GPM6B: variants seen among roughly 807,000 people sequenced by gnomAD.
GPM6B encodes the protein glycoprotein M6B.
A neutral mutation model predicts 27.2 loss-of-function variants in GPM6B; 4 were observed. That is an observed-to-expected ratio of 0.15 (90% CI 0.07 to 0.34). GPM6B has a LOEUF of 0.34. GPM6B is among the 10% of genes least tolerant of loss of function. The pLI is 1.00. For synonymous variants in GPM6B, 124 were observed against 103.1 expected, an observed-to-expected ratio of 1.20 and a Z score of -1.23; for missense variants, 183 against 261.9, an observed-to-expected ratio of 0.70 and a Z score of 2.08.
intron 1 of GPM6B, among the ~76,000 whole-genome samples, chrX:13,813,285 T>A (rs1335350992): frequency 2.7e-5 from 3 of 110,633 alleles, no homozygotes; most frequent in Non-Finnish European, 5.7e-5. Context: ...AAAAAAAAAA[T>A]AAGAAATTAT....
chrX:13,856,067 A>G (rs2049776421), intron 1 of GPM6B, among the ~76,000 whole-genome samples: 1 of 111,913 alleles, frequency 8.9e-6, no homozygotes, highest in Admixed American at 9.5e-5. Context: ...TTGCTATTTT[A>G]TCCTGTAAAG....
chrX:13,884,784 C>G (rs769942006), intron 1 of GPM6B, among the ~76,000 whole-genome samples: 2 of 111,663 alleles, frequency 1.8e-5, no homozygotes, highest in African/African-American at 6.5e-5. Flanking sequence ...ATAATTAAAC[C>G]TGGGTTCCTG....
chrX:13,774,353 C>A, intron 7 of GPM6B: 8 of 1,000,037 alleles, frequency 8.0e-6, no homozygotes, highest in Non-Finnish European at 1.0e-5. Flanking sequence ...GTGGAAATAG[C>A]CACCAGATCT....
chrX:13,877,783 T>C (rs1206438871), intron 1 of GPM6B, among the ~76,000 whole-genome samples: 1 of 80,000 alleles, frequency 1.3e-5, no homozygotes, highest in Non-Finnish European at 2.2e-5. Context: ...GCTGTGATCA[T>C]GCCACTACAC....
At chrX:13,896,888 T>C (rs894210726) in intron 1 of GPM6B, among the ~76,000 whole-genome samples, 1 of 112,238 alleles carries the variant, frequency 8.9e-6, no homozygotes, top group East Asian at 2.8e-4. Flanking sequence ...TTTCCTATGT[T>C]TGCTCTAACA....
At chrX:13,913,638 G>A (rs1228042852) in intron 1 of GPM6B, among the ~76,000 whole-genome samples, 1 of 111,936 alleles carries the variant, frequency 8.9e-6, no homozygotes, top group African/African-American at 3.2e-5. Flanking sequence ...TAAACAGTTG[G>A]GTATCTTCTT....
At chrX:13,869,328 G>A (rs1225862338) in intron 1 of GPM6B, among the ~76,000 whole-genome samples, 1 of 108,105 alleles carries the variant, frequency 9.3e-6, no homozygotes, top group Admixed American at 1.0e-4. Flanking sequence ...GGTGGGGTGG[G>A]ATATTGAGTG....
intron 2 of GPM6B, among the ~76,000 whole-genome samples, chrX:13,793,867 G>C (rs2048759564): frequency 9.0e-6 from 1 of 111,528 alleles, no homozygotes; most frequent in African/African-American, 3.3e-5. Context: ...TGGCCCACCA[G>C]CTAAATCTGG....
chrX:13,838,442 T>C (rs1251411521), intron 1 of GPM6B, among the ~76,000 whole-genome samples: 3 of 112,854 alleles, frequency 2.7e-5, no homozygotes, highest in Admixed American at 1.9e-4. Context: ...TTAAGATTCA[T>C]CTGGCTCAGA....
At chrX:13,883,960 A>G (rs1231865991) in intron 1 of GPM6B, among the ~76,000 whole-genome samples, 1 of 111,950 alleles carries the variant, frequency 8.9e-6, no homozygotes, top group East Asian at 2.8e-4. Context: ...GGCAGATCAC[A>G]AGGTCAGGAG....
chrX:13,835,143 G>A (rs2049481754), intron 1 of GPM6B, among the ~76,000 whole-genome samples: 1 of 112,031 alleles, frequency 8.9e-6, no homozygotes, highest in Non-Finnish European at 1.9e-5. Context: ...GTACATGAAT[G>A]TTGGGTCCAT....
intron 4 of GPM6B, among the ~76,000 whole-genome samples, chrX:13,781,775 T>C (rs1489260419): frequency 3.6e-5 from 4 of 111,846 alleles, no homozygotes; most frequent in Admixed American, 2.8e-4. Context: ...CTAAAATGTA[T>C]AAAACCAAGC....
At chrX:13,831,135 C>T (rs771594954) in intron 1 of GPM6B, among the ~76,000 whole-genome samples, 86 of 106,384 alleles carry the variant, frequency 8.1e-4, no homozygotes, top group Admixed American at 2.8e-3. Flanking sequence ...CACAGGCTTA[C>T]GGTCCAATAT....
intron 1 of GPM6B, among the ~76,000 whole-genome samples, chrX:13,881,079 C>A (rs1208226173): frequency 8.9e-6 from 1 of 112,168 alleles, no homozygotes; most frequent in African/African-American, 3.2e-5. Context: ...GCCTGTTCTC[C>A]TGTCTTGTTT....
intron 2 of GPM6B, among the ~76,000 whole-genome samples, chrX:13,788,453 C>T (rs763895564): frequency 6.5e-5 from 7 of 107,889 alleles, no homozygotes; most frequent in Non-Finnish European, 1.1e-4. Context: ...GGTCCTTCTA[C>T]AGAAAGATCT....
chrX:13,867,761 A>G (rs1472992616), intron 1 of GPM6B, among the ~76,000 whole-genome samples: 3 of 111,978 alleles, frequency 2.7e-5, no homozygotes, highest in East Asian at 2.8e-4. Context: ...GTTGTATCCT[A>G]CACTTGGGTC....
At chrX:13,877,858 ATATTTGC>A (rs2050054182) in intron 1 of GPM6B, among the ~76,000 whole-genome samples, 1 of 102,771 alleles carries the variant, frequency 9.7e-6, no homozygotes, top group African/African-American at 3.6e-5. Context: ...AAAATTCACC[ATATTTGC>A]TTCGCCTTTT....
rs772367299 is a variant in GPM6B at position 13,773,953 on chromosome X, CTTTTTTTT to C, written c.838-931_838-924del. Reference sequence around the variant, plus strand: ...AAAAAAAACTACCCACATATAAATCCTTTTTTTTTTTTTTTTTTTTTTTTTTCCAGAGA... The same window carrying C: ...AAAAAAAACTACCCACATATAAATCCTTTTTTTTTTTTTTTTTTCCAGAGA... On this transcript the variant is annotated intron_variant, in intron 7 of 7. Coordinates refer to ENST00000316715, the MANE Select transcript of GPM6B (RefSeq NM_001001995.3). 1.1e-3 allele frequency: 478 copies of C among 436,240 alleles called. 2 individuals are homozygous for C. In the African/African-American group the frequency reaches 0.018, roughly 17 times the overall value. 36.0% of individuals were successfully genotyped at this position (436,240 alleles called of 1,213,427 possible).
chrX:13,867,142 C>G (rs2049928709), intron 1 of GPM6B, among the ~76,000 whole-genome samples: 1 of 110,814 alleles, frequency 9.0e-6, no homozygotes, highest in South Asian at 3.8e-4. Flanking sequence ...CAGGGTCTCA[C>G]TCTGTCACCC....
Sources: allele counts gnomAD v4.1 joint callset (sites outside exome capture counted in the v4.1 genomes callset), GRCh38; gene constraint gnomAD v4.1.1; transcripts MANE v1.5; gene names NCBI Gene and HGNC (gene_info 2026-07-23, HGNC 2026-07-21).